RXFP1: variants seen among roughly 807,000 people sequenced by gnomAD.
The protein encoded by RXFP1 is relaxin receptor 1.
Under a neutral mutation model 89.8 loss-of-function variants are expected in RXFP1, and 73 were observed. The observed-to-expected ratio is 0.81, with a 90% CI of 0.67 to 0.99. The LOEUF is 0.99. Ranked by LOEUF, RXFP1 falls within the 50% of genes least tolerant of loss-of-function variation. RXFP1 has a pLI of 0.00. For synonymous variants in RXFP1, 277 were observed against 305.5 expected, an observed-to-expected ratio of 0.91 and a Z score of 0.97; for missense variants, 793 against 895.5, an observed-to-expected ratio of 0.89 and a Z score of 1.46.
chr4:158,555,569 G>T (rs1751093981), intron 1 of RXFP1, among the ~76,000 whole-genome samples: 1 of 152,082 alleles, frequency 6.6e-6, no homozygotes, highest in Non-Finnish European at 1.5e-5. Context: ...CCTTCTCTGT[G>T]CACCACTCAC....
In RXFP1 at chr4:158,545,568, C is replaced by T. The variant is rs577597410; in HGVS notation, c.49+23543C>T. Among the ~76,000 whole-genome samples, 685 of 152,062 alleles carry T rather than the reference C, an allele frequency of 4.5e-3. 27 individuals are homozygous for T. The highest frequency in any genetic ancestry group is 0.039 in the Admixed American group (597 of 15,262). On this transcript the variant is annotated intron_variant, in intron 1 of 17. Transcript: ENST00000307765. ...GTATTGCCTAGGTTTTCTTCTAGGG[C>T]TTTTATGGTTTTAGGTCTAACATGT...
At chr4:158,584,184 G>A (rs532984949) in intron 2 of RXFP1, among the ~76,000 whole-genome samples, 12 of 152,140 alleles carry the variant, frequency 7.9e-5, no homozygotes, top group East Asian at 5.8e-4. Flanking sequence ...CCTGTAATCC[G>A]AGCACTTTGG....
intron 1 of RXFP1, among the ~76,000 whole-genome samples, chr4:158,560,538 T>C (rs371288110): frequency 2.5e-4 from 38 of 152,314 alleles, no homozygotes; most frequent in African/African-American, 9.1e-4. Flanking sequence ...GAATTCACTT[T>C]CTTGCAACAA....
At chr4:158,562,719 G>A (rs943673001) in intron 1 of RXFP1, among the ~76,000 whole-genome samples, 1 of 151,798 alleles carries the variant, frequency 6.6e-6, no homozygotes, top group Non-Finnish European at 1.5e-5. Flanking sequence ...AAGGAACCCC[G>A]AGTGCACACC....
chr4:158,584,478 T>G (rs1579825210), intron 2 of RXFP1, among the ~76,000 whole-genome samples: 1 of 152,068 alleles, frequency 6.6e-6, no homozygotes, highest in African/African-American at 2.4e-5. Context: ...AATACAAGCC[T>G]TATAAATTAA....
chr4:158,612,635 G>A (rs1207814719), intron 8 of RXFP1, among the ~76,000 whole-genome samples: 2 of 148,124 alleles, frequency 1.4e-5, no homozygotes, highest in Non-Finnish European at 3.0e-5. Context: ...TTTTGACATG[G>A]AGTCTCACTG....
In RXFP1 at chr4:158,592,663, T is replaced by C. The variant is rs770812613; in HGVS notation, c.188-738T>C. The stretch of plus-strand genomic sequence containing the variant: ...ACATCTCCAACATCAGTTTTAGAGA[T>C]TGAAGAAGATGTAGGGAAACATAAT... On this transcript the variant is annotated intron_variant, in intron 2 of 17. Coordinates refer to ENST00000307765, the MANE Select transcript of RXFP1 (RefSeq NM_021634.4). 2.6e-5 allele frequency among the ~76,000 whole-genome samples: 4 copies of C among 152,216 alleles called. No individual in the cohort carries two copies. In the South Asian group the frequency reaches 6.2e-4, roughly 24 times the overall value.
At position 158,652,757 on chromosome 4, in the gene RXFP1, A is replaced by G. The variant is rs187238521; in HGVS notation, c.*702A>G. The G allele has an allele frequency of 3.3e-5, 5 of 152,354 alleles. No individual in the cohort carries two copies. The highest frequency in any genetic ancestry group is 2.6e-4 in the Admixed American group (4 of 15,306). The allele number at this position is 152,354 out of a possible 1,614,324, so 9.4% of individuals were successfully genotyped here. A position where few individuals can be genotyped will look rare whatever the true frequency, so the allele number is the denominator to read the frequency against. ...GAACATCATCATATGGAATTGGAATAGGAGAGTATGAGTACGGCAGAGAAG... is the reference window on the plus strand; with the variant it reads ...GAACATCATCATATGGAATTGGAATGGGAGAGTATGAGTACGGCAGAGAAG... On this transcript the variant is annotated 3_prime_UTR_variant, in exon 18 of 18. Transcript: ENST00000307765.
intron 14 of RXFP1, among the ~76,000 whole-genome samples, chr4:158,641,744 CAAATAGATCT>C (rs1770420454): frequency 6.6e-6 from 1 of 152,126 alleles, no homozygotes; most frequent in African/African-American, 2.4e-5. Flanking sequence ...GCTTTATAGA[CAAATAGATCT>C]AATTTGAAGT....
chr4:158,529,591 G>A (rs989449231), intron 1 of RXFP1, among the ~76,000 whole-genome samples: 1 of 152,062 alleles, frequency 6.6e-6, no homozygotes, highest in South Asian at 2.1e-4. Flanking sequence ...TACATGCTTG[G>A]GTTTGTCCTC....
intron 1 of RXFP1, among the ~76,000 whole-genome samples, chr4:158,543,463 A>G (rs1463444190): frequency 1.3e-5 from 2 of 152,192 alleles, no homozygotes; most frequent in Non-Finnish European, 2.9e-5. Flanking sequence ...CTCGCTGCCA[A>G]GGAAACAGGG....
chr4:158,573,469 G>A (rs1755572777), intron 2 of RXFP1, among the ~76,000 whole-genome samples: 2 of 152,108 alleles, frequency 1.3e-5, no homozygotes. Context: ...AATTCATAAG[G>A]ATTTTGAAAG....
At chr4:158,646,743 A>G (rs552684155) in intron 15 of RXFP1, 48 bp from the exon 16 acceptor site, 2 of 1,501,392 alleles carry the variant, frequency 1.3e-6, no homozygotes, top group Admixed American at 2.3e-5. Flanking sequence ...TGATGATTTT[A>G]TGATACCTAT....
chr4:158,558,363 C>T (rs532602349), intron 1 of RXFP1, among the ~76,000 whole-genome samples: 3 of 152,184 alleles, frequency 2.0e-5, no homozygotes, highest in African/African-American at 7.2e-5. Flanking sequence ...TTGAGCCTTC[C>T]TTATTCATAG....
At chr4:158,571,754 C>G (rs1302116186) in intron 1 of RXFP1, among the ~76,000 whole-genome samples, 1 of 11,386 alleles carries the variant, frequency 8.8e-5, no homozygotes, top group Non-Finnish European at 5.7e-3. Context: ...CATTTCTTTT[C>G]TAACAGAAGC....
chr4:158,624,295 T>C (rs2150174258), intron 9 of RXFP1, among the ~76,000 whole-genome samples: 1 of 152,244 alleles, frequency 6.6e-6, no homozygotes, highest in South Asian at 2.1e-4. Context: ...TTTTCCCTTC[T>C]TCATCACCTC....
intron 14 of RXFP1, among the ~76,000 whole-genome samples, chr4:158,643,051 A>G (rs987623275): frequency 2.6e-5 from 4 of 152,170 alleles, no homozygotes; most frequent in African/African-American, 7.2e-5. Context: ...ATCTTTCATT[A>G]TGCAGATGGG....
At chr4:158,559,964 C>G (rs1370800684) in intron 1 of RXFP1, among the ~76,000 whole-genome samples, 2 of 152,146 alleles carry the variant, frequency 1.3e-5, no homozygotes, top group Non-Finnish European at 2.9e-5. Flanking sequence ...GACTTCTTTC[C>G]CAAAGAGTAA....
At chr4:158,559,424 G>C (rs1275270207) in intron 1 of RXFP1, among the ~76,000 whole-genome samples, 1 of 152,152 alleles carries the variant, frequency 6.6e-6, no homozygotes, top group Non-Finnish European at 1.5e-5. Context: ...TTATTTTCCA[G>C]ATGATGAAAC....
Sources: gnomAD v4.1 joint callset for allele counts (sites outside exome capture counted in the v4.1 genomes callset) on GRCh38, gnomAD v4.1.1 for gene constraint, MANE v1.5 for transcripts, NCBI Gene and HGNC (gene_info 2026-07-23, HGNC 2026-07-21) for gene names.